PTPRD: variants seen among roughly 807,000 people sequenced by gnomAD.
The protein encoded by PTPRD is receptor-type tyrosine-protein phosphatase delta.
Under a neutral mutation model 214.5 loss-of-function variants are expected in PTPRD, and 34 were observed. That is an observed-to-expected ratio of 0.16 (90% CI 0.12 to 0.21). PTPRD has a LOEUF of 0.21. Ranked by LOEUF, PTPRD falls within the 10% of genes least tolerant of loss-of-function variation. The pLI is 1.00. For missense variants in PTPRD, 2,545 were observed against 2,398.7 expected (o/e 1.06, Z -1.27); for synonymous variants, 1,128 against 845.7 (o/e 1.33, Z -5.79).
At chr9:10,547,724 T>C (rs1445587877) in intron 2 of PTPRD, among the ~76,000 whole-genome samples, 1 of 151,896 alleles carries the variant, frequency 6.6e-6, no homozygotes, top group Non-Finnish European at 1.5e-5. Flanking sequence ...TAAGTGTACA[T>C]ATAGCAACAC....
At chr9:10,304,460 G>C (rs971302000) in intron 3 of PTPRD, among the ~76,000 whole-genome samples, 1 of 152,242 alleles carries the variant, frequency 6.6e-6, no homozygotes, top group South Asian at 2.1e-4. Context: ...TGGGAAGAGA[G>C]GAAGTCAAAT....
chr9:9,993,821 C>T (rs1322938854), intron 4 of PTPRD, among the ~76,000 whole-genome samples: 8 of 152,124 alleles, frequency 5.3e-5, no homozygotes, highest in African/African-American at 1.9e-4. Context: ...ACAGAATCTG[C>T]TTTTCTCCAC....
intron 2 of PTPRD, among the ~76,000 whole-genome samples, chr9:10,399,068 T>C (rs139424964): frequency 9.2e-5 from 14 of 152,044 alleles, no homozygotes; most frequent in East Asian, 3.9e-4. Context: ...TGAAGTGAGA[T>C]TGAGAGTGGT....
intron 8 of PTPRD, among the ~76,000 whole-genome samples, chr9:9,475,060 C>T (rs949467124): frequency 6.6e-6 from 1 of 152,148 alleles, no homozygotes. Context: ...GAAGAGTGCA[C>T]GATCACTCTA....
At chr9:9,164,323 C>A (rs2099897110) in intron 10 of PTPRD, among the ~76,000 whole-genome samples, 1 of 152,046 alleles carries the variant, frequency 6.6e-6, no homozygotes, top group Admixed American at 6.6e-5. Flanking sequence ...GTCTTCTGAC[C>A]TCTGCTTCTA....
chr9:9,554,305 G>A (rs188926902), intron 8 of PTPRD, among the ~76,000 whole-genome samples: 4 of 152,108 alleles, frequency 2.6e-5, no homozygotes, highest in African/African-American at 9.6e-5. Flanking sequence ...ATGGGTGAAT[G>A]TCTGACTAAT....
At chr9:10,139,191 C>T (rs573675530) in intron 3 of PTPRD, among the ~76,000 whole-genome samples, 9 of 151,766 alleles carry the variant, frequency 5.9e-5, no homozygotes, top group Non-Finnish European at 1.3e-4. Flanking sequence ...TACTTCAGTG[C>T]AGCTTCAGGA....
rs115372043 is a variant in PTPRD, at chr9:8,664,642, T to C, written c.65-27798A>G. Reference sequence around the variant, plus strand: ...TATACTTCCAGATAGCTCTGGTGTTTATGGTATATAATCCTCTTAAATGCA... The same window carrying C: ...TATACTTCCAGATAGCTCTGGTGTTCATGGTATATAATCCTCTTAAATGCA... On this transcript the variant is annotated intron_variant, in intron 12 of 45. Coordinates refer to ENST00000381196, the MANE Select transcript of PTPRD (RefSeq NM_002839.4). 3.9e-3 allele frequency among the ~76,000 whole-genome samples: 591 copies of C among 152,348 alleles called. 4 individuals are homozygous for C. The highest frequency in any genetic ancestry group is 0.014 in the African/African-American group (565 of 41,578).
chr9:9,039,222 A>G (rs1331660), intron 10 of PTPRD, among the ~76,000 whole-genome samples: 15,821 of 152,222 alleles, frequency 0.1, 900 homozygotes, highest in South Asian at 0.17. Context: ...GTATTTATGA[A>G]GAGAACTTGT....
intron 2 of PTPRD, among the ~76,000 whole-genome samples, chr9:10,447,552 C>T (rs2098808412): frequency 6.6e-6 from 1 of 152,000 alleles, no homozygotes; most frequent in Non-Finnish European, 1.5e-5. Flanking sequence ...CTATTCCCAT[C>T]CACCACATCT....
chr9:10,250,994 G>C (rs1006493084), intron 3 of PTPRD, among the ~76,000 whole-genome samples: 8 of 151,964 alleles, frequency 5.3e-5, no homozygotes, highest in African/African-American at 1.9e-4. Flanking sequence ...TGTCAGAAAT[G>C]TAATTGTTTA....
In PTPRD at chr9:8,980,407, C is replaced by A. The variant is rs548652456; in HGVS notation, c.-104+38290G>T. Among the ~76,000 whole-genome samples, 4 of 152,030 alleles carry A rather than the reference C, an allele frequency of 2.6e-5. No individual in the cohort carries two copies. The South Asian group carries it at 8.3e-4, about 32-fold the overall frequency. On this transcript the variant is annotated intron_variant, in intron 11 of 45. Coordinates refer to ENST00000381196, the MANE Select transcript of PTPRD (RefSeq NM_002839.4). ...GCTGCTTTTGTCATAAAAACAGAAA[C>A]TACGTAAGATGATAGATATGTTAAT...
chr9:9,548,499 C>T (rs1264973958), intron 8 of PTPRD, among the ~76,000 whole-genome samples: 1 of 149,618 alleles, frequency 6.7e-6, no homozygotes, highest in African/African-American at 2.5e-5. Context: ...CCTCCGCTTC[C>T]TGGGTTCAAG....
chr9:9,564,420 C>G (rs1480117925), intron 8 of PTPRD, among the ~76,000 whole-genome samples: 1 of 152,128 alleles, frequency 6.6e-6, no homozygotes, highest in East Asian at 1.9e-4. Context: ...ATGAGGAATG[C>G]AGGGGGCCTT....
chr9:8,750,161 T>C lies in PTPRD; in HGVS notation c.-103-16215A>G, dbSNP rs145286079. On this transcript the variant is annotated intron_variant, in intron 11 of 45. Transcript: ENST00000381196. ...ATTCTGGTGCTAGGAGATAGAAAAA[T>C]ACAAGTAATTTTTTGAGACAGAGTC... Among the ~76,000 whole-genome samples the C allele has an allele frequency of 2.7e-3, 409 of 151,202 alleles. 1 individual carries two copies. Among genetic ancestry groups the C allele is most frequent in the African/African-American group, 9.3e-3 (381 of 41,120 alleles).
intron 7 of PTPRD, among the ~76,000 whole-genome samples, chr9:9,695,976 A>T (rs1023012985): frequency 6.6e-6 from 1 of 151,960 alleles, no homozygotes; most frequent in Non-Finnish European, 1.5e-5. Context: ...AATTGGTGTT[A>T]GTTCGTAAAT....
chr9:9,357,000 T>C (rs2054062670), intron 9 of PTPRD, among the ~76,000 whole-genome samples: 1 of 151,214 alleles, frequency 6.6e-6, no homozygotes, highest in Admixed American at 6.6e-5. Context: ...CCAAGGGGGA[T>C]TTGGGTCTCA....
intron 37 of PTPRD, among the ~76,000 whole-genome samples, chr9:8,377,771 A>T (rs1414441743): frequency 1.3e-5 from 2 of 152,148 alleles, no homozygotes; most frequent in Non-Finnish European, 2.9e-5. Flanking sequence ...AAGCATTATT[A>T]TTAGAGACAC....
chr9:10,190,857 G>A (rs1036861309), intron 3 of PTPRD, among the ~76,000 whole-genome samples: 2 of 152,002 alleles, frequency 1.3e-5, no homozygotes, highest in South Asian at 4.1e-4. Flanking sequence ...TAATACACAG[G>A]GTATGGGGTT....
Sources: gnomAD v4.1 joint callset for allele counts (sites outside exome capture counted in the v4.1 genomes callset) on GRCh38, gnomAD v4.1.1 for gene constraint, MANE v1.5 for transcripts, NCBI Gene and HGNC (gene_info 2026-07-23, HGNC 2026-07-21) for gene names.